Variants in CDH8 observed in about 807,000 individuals in gnomAD.
CDH8 encodes cadherin-8.
In CDH8, 17 loss-of-function variants were observed where a neutral mutation model predicts 68.1. That is an observed-to-expected ratio of 0.25 (90% CI 0.17 to 0.37). The LOEUF (loss-of-function observed/expected upper bound fraction) is 0.37. Among genes scored for constraint, CDH8 ranks in the 10% least tolerant of loss-of-function variants. CDH8 has a pLI of 1.00. For synonymous variants in CDH8, 372 were observed against 365.1 expected (o/e 1.02, Z -0.21); for missense variants, 763 against 999.3 (o/e 0.76, Z 3.19).
At chr16:61,802,056 A>C (rs1596980904) in intron 7 of CDH8, among the ~76,000 whole-genome samples, 1 of 144,622 alleles carries the variant, frequency 6.9e-6, no homozygotes, top group Non-Finnish European at 1.5e-5. Context: ...CTGCAGACTT[A>C]AGTGTCCCTG....
intron 2 of CDH8, among the ~76,000 whole-genome samples, chr16:61,918,880 A>T (rs550264994): frequency 2.7e-5 from 4 of 150,700 alleles, no homozygotes; most frequent in Non-Finnish European, 5.9e-5. Flanking sequence ...GACAAACAAA[A>T]AGACAGCAGT....
At chr16:61,912,330 C>G (rs1245295461) in intron 2 of CDH8, among the ~76,000 whole-genome samples, 1 of 151,976 alleles carries the variant, frequency 6.6e-6, no homozygotes, top group Admixed American at 6.6e-5. Flanking sequence ...TTGATTTTAA[C>G]TTAGCTGTGT....
intron 4 of CDH8, among the ~76,000 whole-genome samples, chr16:61,847,303 C>A (rs994165745): frequency 3.3e-5 from 5 of 151,920 alleles, no homozygotes; most frequent in South Asian, 2.1e-4. Context: ...AACACAAAAA[C>A]AATATTTTTG....
chr16:61,822,205 C>CTTTTTTTT lies in CDH8; in HGVS notation c.836-1100_836-1093dup, dbSNP rs71707137. ...TGTAGTAACTGGCTCAAAAACGCAC[C>CTTTTTTTT]TTTTTTTTTTTTTTTTTTTTTTTTT... On this transcript the variant is annotated intron_variant, in intron 5 of 11. Coordinates refer to ENST00000577390, the MANE Select transcript of CDH8 (RefSeq NM_001796.5). 2.2e-4 allele frequency among the ~76,000 whole-genome samples: 10 copies of CTTTTTTTT among 45,642 alleles called. 1 individual carries two copies. The highest frequency in any genetic ancestry group is 1.6e-3 in the East Asian group (2 of 1,236). The allele number at this position is 45,642 out of a possible 152,430, so 29.9% of individuals were successfully genotyped here.
At chr16:61,725,783 A>G (rs1185409082) in intron 9 of CDH8, 1 of 151,034 alleles carries the variant, frequency 6.6e-6, no homozygotes, top group East Asian at 1.9e-4. Context: ...TTAGAATATT[A>G]TAAAAATAAA....
intron 10 of CDH8, among the ~76,000 whole-genome samples, chr16:61,670,729 T>C (rs1963773838): frequency 2.6e-5 from 4 of 152,036 alleles, no homozygotes; most frequent in Non-Finnish European, 1.5e-5. Context: ...AGGAGATACA[T>C]GAAACCATGG....
Position 61,653,153 on chromosome 16 carries a change from G to A in CDH8, c.*455C>T. On this transcript the variant is annotated 3_prime_UTR_variant, in exon 12 of 12. Coordinates refer to ENST00000577390, the MANE Select transcript of CDH8 (RefSeq NM_001796.5). ...GACCAAGTATTGCTTTATCATTTGT[G>A]GCGGGATCCTTATTGGTGAAGGGGA... 1 of 1,233,684 alleles carries A rather than the reference G, an allele frequency of 8.1e-7. No individual in the cohort carries two copies. Among genetic ancestry groups the A allele is most frequent in the South Asian group, 4.0e-5 (1 of 24,806 alleles). The allele number at this position is 1,233,684 out of a possible 1,614,324, so 76.4% of individuals were successfully genotyped here.
chr16:61,768,425 T>TCTCTCTCTCTCC (rs1567461448), intron 8 of CDH8, among the ~76,000 whole-genome samples: 1 of 138,454 alleles, frequency 7.2e-6, no homozygotes. Flanking sequence ...TCTCTCTCTC[T>TCTCTCTCTCTCC]CTCCCTCTCC....
chr16:61,844,441 A>T (rs1962761389), intron 4 of CDH8, among the ~76,000 whole-genome samples: 2 of 152,202 alleles, frequency 1.3e-5, no homozygotes, highest in Admixed American at 1.3e-4. Flanking sequence ...AAAGTTTAAA[A>T]AAAAGTTTAT....
intron 10 of CDH8, among the ~76,000 whole-genome samples, chr16:61,660,978 TTAAAAA>T (rs1414332925): frequency 5.3e-5 from 8 of 151,788 alleles, no homozygotes; most frequent in Non-Finnish European, 1.2e-4. Flanking sequence ...CAAATCCACA[TTAAAAA>T]TAAAAAGAGT....
chr16:61,801,429 A>T (rs1961627164), intron 7 of CDH8, among the ~76,000 whole-genome samples: 1 of 152,178 alleles, frequency 6.6e-6, no homozygotes, highest in Admixed American at 6.5e-5. Context: ...GGAGCTGGAC[A>T]GCTAGCGGTG....
rs1963419765 is a variant in CDH8 at position 61,655,404 on chromosome 16, T to A, written c.1906+66A>T. 4 of 1,448,306 alleles carry A rather than the reference T, an allele frequency of 2.8e-6. No individual in the cohort carries two copies. The Admixed American group carries it at 5.6e-5, about 20-fold the overall frequency. The allele number at this position is 1,448,306 out of a possible 1,614,324, so 89.7% of individuals were successfully genotyped here. ...TGCCTGTGTAGATCAGAGTTTTCTGTCCTTATTTACAGTCATTTATGAATC... is the reference window on the plus strand; with the variant it reads ...TGCCTGTGTAGATCAGAGTTTTCTGACCTTATTTACAGTCATTTATGAATC... On this transcript the variant is annotated intron_variant, in intron 11 of 11. Coordinates refer to ENST00000577390, the MANE Select transcript of CDH8 (RefSeq NM_001796.5).
At chr16:61,905,506 T>A (rs566217894) in intron 2 of CDH8, among the ~76,000 whole-genome samples, 34 of 152,266 alleles carry the variant, frequency 2.2e-4, no homozygotes, top group African/African-American at 6.0e-4. Context: ...ACATTTCATA[T>A]TTATAATGTT....
chr16:61,758,343 C>T (rs530908181), intron 8 of CDH8, among the ~76,000 whole-genome samples: 1 of 152,228 alleles, frequency 6.6e-6, no homozygotes, highest in African/African-American at 2.4e-5. Flanking sequence ...AATACCTAAA[C>T]AAAATGTGAA....
At chr16:61,923,793 G>GATAA (rs1964413717) in intron 2 of CDH8, among the ~76,000 whole-genome samples, 1 of 145,668 alleles carries the variant, frequency 6.9e-6, no homozygotes, top group Admixed American at 7.0e-5. Flanking sequence ...GTATATATGT[G>GATAA]ATAAATATAT....
intron 10 of CDH8, among the ~76,000 whole-genome samples, chr16:61,664,075 A>G (rs1313934882): frequency 6.6e-6 from 1 of 151,792 alleles, no homozygotes; most frequent in Non-Finnish European, 1.5e-5. Flanking sequence ...TTCTGAGTCA[A>G]ACATCTTCCC....
chr16:61,820,630 A>G lies in CDH8; in HGVS notation c.1023+296T>C, dbSNP rs1596995761. ...CTTCACAGGATGTTGACTTCCCCAC[A>G]TAATTGAAGTGCCCTGTACAAGAAG... On this transcript the variant is annotated intron_variant, in intron 6 of 11. Coordinates refer to ENST00000577390, the MANE Select transcript of CDH8 (RefSeq NM_001796.5). Among the ~76,000 whole-genome samples the G allele has an allele frequency of 2.0e-5, 3 of 151,922 alleles. No individual in the cohort carries two copies. The South Asian group carries it at 6.2e-4, about 31-fold the overall frequency.
chr16:61,962,308 G>A (rs556560312), intron 2 of CDH8, among the ~76,000 whole-genome samples: 1 of 152,310 alleles, frequency 6.6e-6, no homozygotes, highest in South Asian at 2.1e-4. Context: ...AGTGAGCATA[G>A]CATTGAACCC....
intron 4 of CDH8, among the ~76,000 whole-genome samples, chr16:61,846,091 C>T (rs566877514): frequency 6.6e-6 from 1 of 152,192 alleles, no homozygotes; most frequent in East Asian, 1.9e-4. Context: ...ATATGCTTTG[C>T]AAATGACTCC....
Sources: allele counts gnomAD v4.1 joint callset (sites outside exome capture counted in the v4.1 genomes callset), GRCh38; gene constraint gnomAD v4.1.1; transcripts MANE v1.5; gene names NCBI Gene and HGNC (gene_info 2026-07-23, HGNC 2026-07-21).